MAP2: variants seen among roughly 807,000 people sequenced by gnomAD.
MAP2 encodes microtubule associated protein 2.
A neutral mutation model predicts 137.6 loss-of-function variants in MAP2; 14 were observed. The ratio of observed to expected loss-of-function variants is 0.10; its 90% CI spans 0.07 to 0.16. The LOEUF is 0.16. Among genes scored for constraint, MAP2 ranks in the 10% least tolerant of loss-of-function variants. The pLI, the probability that MAP2 is intolerant of heterozygous loss-of-function variation, is 1.00. For missense variants in MAP2, 2,088 were observed against 2,191.5 expected (o/e 0.95, Z 0.94); for synonymous variants, 786 against 782.3 (o/e 1.00, Z -0.08).
chr2:209,513,123 G>A (rs2061971590), intron 2 of MAP2, among the ~76,000 whole-genome samples: 1 of 152,122 alleles, frequency 6.6e-6, no homozygotes, highest in African/African-American at 2.4e-5. Flanking sequence ...TAATGAAATA[G>A]GAAGTGGGGA....
At position 209,696,542 on chromosome 2, in the gene MAP2, A is replaced by G; in HGVS notation, c.4181A>G (p.Asp1394Gly). Residue 1394 changes from aspartate (D) to glycine (G), a missense_variant and splice_region_variant, in exon 9 of 16, where the codon GAT becomes GGT. Transcript: ENST00000682079. ...DADSLWVDTQ[D>G]DDRSIMTEQL... ...TGTCATGATTTGCTTTGATCCACAGATGATGATAGGAGCATCATGACAGAA... is the reference window on the plus strand; with the variant it reads ...TGTCATGATTTGCTTTGATCCACAGGTGATGATAGGAGCATCATGACAGAA... The G allele has an allele frequency of 1.2e-6, 2 of 1,607,810 alleles. No homozygotes were observed. Among genetic ancestry groups the G allele is most frequent in the Non-Finnish European group, 1.7e-6 (2 of 1,177,648 alleles).
intron 1 of MAP2, among the ~76,000 whole-genome samples, chr2:209,433,189 G>A (rs1399289263): frequency 1.3e-5 from 2 of 152,094 alleles, no homozygotes; most frequent in Admixed American, 1.3e-4. Context: ...ATTAACAAGT[G>A]AAATAATAAA....
Position 209,730,465 on chromosome 2 carries a change from C to T in MAP2, c.*68C>T, listed in dbSNP as rs1207769646. 2.7e-5 allele frequency: 29 copies of T among 1,060,270 alleles called. No individual in the cohort carries two copies. The highest frequency in any genetic ancestry group is 4.1e-5 in the Non-Finnish European group (29 of 701,668). The allele number at this position is 1,060,270 out of a possible 1,614,324, so 65.7% of individuals were successfully genotyped here. A position where few individuals can be genotyped will look rare whatever the true frequency, so the allele number is the denominator to read the frequency against. On this transcript the variant is annotated 3_prime_UTR_variant, in exon 16 of 16. Coordinates refer to ENST00000682079, the MANE Select transcript of MAP2 (RefSeq NM_001375505.1). ...GCTCTTGGCAGGAGTGGGCTCTGAG[C>T]AGTTGTTATATTCATTCTTTATAAA...
intron 14 of MAP2, among the ~76,000 whole-genome samples, chr2:209,728,392 A>T (rs2074863588): frequency 6.6e-6 from 1 of 152,232 alleles, no homozygotes; most frequent in African/African-American, 2.4e-5. Context: ...AAATGTGGGA[A>T]GAATAACACT....
At chr2:209,651,245 G>A (rs574747841) in intron 4 of MAP2, among the ~76,000 whole-genome samples, 38 of 152,168 alleles carry the variant, frequency 2.5e-4, no homozygotes, top group African/African-American at 7.7e-4. Context: ...ACAGGGAGAG[G>A]TTAATTCCAA....
chr2:209,607,149 T>A (rs2085058268), intron 3 of MAP2, among the ~76,000 whole-genome samples: 1 of 152,182 alleles, frequency 6.6e-6, no homozygotes, highest in African/African-American at 2.4e-5. Context: ...TACTTTCAAA[T>A]ACACTTGGGA....
intron 2 of MAP2, among the ~76,000 whole-genome samples, chr2:209,542,762 T>G (rs1470313481): frequency 6.6e-6 from 1 of 152,202 alleles, no homozygotes; most frequent in African/African-American, 2.4e-5. Context: ...CTTCTTTACC[T>G]CTCTCAGGCT....
At chr2:209,609,997 T>C (rs374610044) in intron 3 of MAP2, among the ~76,000 whole-genome samples, 168 of 152,308 alleles carry the variant, frequency 1.1e-3, no homozygotes, top group African/African-American at 3.7e-3. Flanking sequence ...TTATGGTTCA[T>C]GTCCTCATGA....
intron 13 of MAP2, among the ~76,000 whole-genome samples, chr2:209,714,882 G>A (rs569428984): frequency 1.3e-5 from 2 of 152,290 alleles, no homozygotes; most frequent in East Asian, 3.9e-4. Flanking sequence ...CTGCAAGTAT[G>A]TAATTTTGTA....
intron 2 of MAP2, among the ~76,000 whole-genome samples, chr2:209,578,133 G>A (rs1042291687): frequency 6.6e-6 from 1 of 152,142 alleles, no homozygotes; most frequent in African/African-American, 2.4e-5. Context: ...GAAACGCTGC[G>A]GGTGCCTGGG....
chr2:209,544,964 A>C (rs927549368), intron 2 of MAP2, among the ~76,000 whole-genome samples: 13 of 152,228 alleles, frequency 8.5e-5, no homozygotes, highest in Non-Finnish European at 1.8e-4. Context: ...ACTGTTCATT[A>C]AACTATATAC....
At chr2:209,621,087 C>G (rs1559425185) in intron 3 of MAP2, among the ~76,000 whole-genome samples, 1 of 151,440 alleles carries the variant, frequency 6.6e-6, no homozygotes, top group African/African-American at 2.4e-5. Context: ...CCCAGCTACT[C>G]TGGGGACTGA....
intron 4 of MAP2, among the ~76,000 whole-genome samples, chr2:209,637,499 A>G (rs997752964): frequency 2.0e-5 from 3 of 151,982 alleles, no homozygotes; most frequent in African/African-American, 7.2e-5. Flanking sequence ...ATAAGGTAAG[A>G]TGAGATAAGA....
chr2:209,596,259 G>A (rs2081276237), intron 3 of MAP2, among the ~76,000 whole-genome samples: 1 of 152,180 alleles, frequency 6.6e-6, no homozygotes, highest in Non-Finnish European at 1.5e-5. Context: ...ATGATAAAAT[G>A]TGTATTTTCC....
chr2:209,643,543 A>G (rs2094189523), intron 4 of MAP2, among the ~76,000 whole-genome samples: 1 of 152,232 alleles, frequency 6.6e-6, no homozygotes, highest in African/African-American at 2.4e-5. Flanking sequence ...ATCTAATGGT[A>G]AAGAAAATTG....
intron 2 of MAP2, among the ~76,000 whole-genome samples, chr2:209,542,442 G>T (rs1358044948): frequency 6.6e-6 from 1 of 152,198 alleles, no homozygotes; most frequent in Admixed American, 6.5e-5. Context: ...AGTCACCACT[G>T]CACTAGCCTC....
intron 2 of MAP2, among the ~76,000 whole-genome samples, chr2:209,567,425 A>C (rs1400851337): frequency 6.6e-6 from 1 of 152,136 alleles, no homozygotes; most frequent in Non-Finnish European, 1.5e-5. Context: ...AAACAAAGAT[A>C]ATGGAAAAGT....
At chr2:209,675,216 T>C (rs1027646738) in intron 5 of MAP2, among the ~76,000 whole-genome samples, 1 of 151,802 alleles carries the variant, frequency 6.6e-6, no homozygotes. Context: ...GAAGAAAAAA[T>C]TTACCAATTC....
At chr2:209,646,717 T>C (rs1178553075) in intron 4 of MAP2, among the ~76,000 whole-genome samples, 2 of 152,164 alleles carry the variant, frequency 1.3e-5, no homozygotes, top group Non-Finnish European at 2.9e-5. Flanking sequence ...GTCCCAAAAT[T>C]GTTTTGCCAT....
Sources: gnomAD v4.1 joint callset for allele counts (sites outside exome capture counted in the v4.1 genomes callset) on GRCh38, gnomAD v4.1.1 for gene constraint, MANE v1.5 for transcripts, NCBI Gene and HGNC (gene_info 2026-07-23, HGNC 2026-07-21) for gene names.